Variants in SYT9 observed in about 807,000 individuals in gnomAD.
SYT9 encodes synaptotagmin-9.
A neutral mutation model predicts 48.4 loss-of-function variants in SYT9; 22 were observed. The observed-to-expected ratio is 0.45, with a 90% CI of 0.32 to 0.65. The LOEUF (loss-of-function observed/expected upper bound fraction) is 0.65, where lower values mean the gene tolerates loss of function less well. Among genes scored for constraint, SYT9 ranks in the 30% least tolerant of loss-of-function variants. SYT9 has a pLI of 0.03. For missense variants in SYT9, 577 were observed against 622.0 expected, an observed-to-expected ratio of 0.93 and a Z score of 0.77; for synonymous variants, 265 against 245.0, an observed-to-expected ratio of 1.08 and a Z score of -0.76.
At chr11:7,339,239 G>T (rs1036444582) in intron 3 of SYT9, among the ~76,000 whole-genome samples, 1 of 151,994 alleles carries the variant, frequency 6.6e-6, no homozygotes, top group African/African-American at 2.4e-5. Context: ...TGAGGCTATA[G>T]GTCTCATTGC....
At chr11:7,432,860 G>A (rs1246185952) in intron 6 of SYT9, among the ~76,000 whole-genome samples, 1 of 151,728 alleles carries the variant, frequency 6.6e-6, no homozygotes, top group Admixed American at 6.6e-5. Context: ...ATTAATGCTG[G>A]AATGACCTAA....
intron 3 of SYT9, among the ~76,000 whole-genome samples, chr11:7,332,385 C>G (rs1439865852): frequency 1.3e-5 from 2 of 152,206 alleles, no homozygotes; most frequent in East Asian, 3.8e-4. Flanking sequence ...GAGCCATGAA[C>G]TGTTCGCAGC....
intron 6 of SYT9, chr11:7,453,860 C>T (rs550962985): frequency 8.4e-4 from 293 of 346,956 alleles, no homozygotes; most frequent in African/African-American, 6.2e-3. Context: ...GAGAGGAGGC[C>T]GAAAGGGAGT....
At chr11:7,457,708 A>C (rs1848172806) in intron 6 of SYT9, 1 of 152,232 alleles carries the variant, frequency 6.6e-6, no homozygotes, top group Non-Finnish European at 1.5e-5. Flanking sequence ...AGACAGTGGC[A>C]GTGAAGGTCC....
chr11:7,367,098 T>TTCC lies in SYT9; in HGVS notation c.1045-48944_1045-48943insTCC, dbSNP rs71056800. On this transcript the variant is annotated intron_variant, in intron 3 of 6. Transcript: ENST00000318881. Reference sequence around the variant, plus strand: ...TTTTTTTTTTTTTTTTTTTTTTTTTTCGAGACGGAGCCTCGCTCTGTCACC... The same window carrying TTCC: ...TTTTTTTTTTTTTTTTTTTTTTTTTTTCCCGAGACGGAGCCTCGCTCTGTCACC... Among the ~76,000 whole-genome samples the TTCC allele has an allele frequency of 3.8e-4, 43 of 112,992 alleles. 7 individuals are homozygous for TTCC. Among genetic ancestry groups the TTCC allele is most frequent in the South Asian group, 2.9e-3 (9 of 3,100 alleles). 74.1% of individuals were successfully genotyped at this position (112,992 alleles called of 152,430 possible).
intron 6 of SYT9, chr11:7,440,797 A>T (rs1436879019): frequency 6.6e-6 from 1 of 152,244 alleles, no homozygotes; most frequent in African/African-American, 2.4e-5. Context: ...GAGTGCAGAG[A>T]ATCTTACAAA....
At chr11:7,392,044 A>C (rs1343506832) in intron 3 of SYT9, among the ~76,000 whole-genome samples, 1 of 151,710 alleles carries the variant, frequency 6.6e-6, no homozygotes, top group Non-Finnish European at 1.5e-5. Context: ...ATTTCTGAAT[A>C]TTTTCTCTCA....
At chr11:7,313,217 G>A (rs573135497) in intron 2 of SYT9, among the ~76,000 whole-genome samples, 178 bp from the exon 3 acceptor site, 9 of 152,178 alleles carry the variant, frequency 5.9e-5, no homozygotes, top group South Asian at 4.2e-4. Context: ...CAAGCCTTAC[G>A]GAGCAGCTTA....
At chr11:7,448,194 G>A (rs12272534) in intron 6 of SYT9, among the ~76,000 whole-genome samples, 4,362 of 152,330 alleles carry the variant, frequency 0.029, 209 homozygotes, top group African/African-American at 0.096. Context: ...TGTTGAGACA[G>A]TCTAGTGACT....
intron 1 of SYT9, among the ~76,000 whole-genome samples, chr11:7,266,655 C>A (rs567277636): frequency 1.3e-5 from 2 of 152,172 alleles, no homozygotes; most frequent in South Asian, 2.1e-4. Flanking sequence ...ATCACATCTG[C>A]CTTCCCAGTG....
intron 1 of SYT9, among the ~76,000 whole-genome samples, chr11:7,241,580 A>C (rs1038653398): frequency 1.3e-5 from 2 of 152,198 alleles, no homozygotes; most frequent in Non-Finnish European, 2.9e-5. Flanking sequence ...AGTTGGAAGG[A>C]TTCAGACCAC....
At chr11:7,248,179 T>C (rs550151309), upstream of SYT9, among the ~76,000 whole-genome samples, 50 of 152,324 alleles carry the variant, frequency 3.3e-4, no homozygotes, top group African/African-American at 1.2e-3. Flanking sequence ...ATTGTTTGTT[T>C]TTTTCGTGTT....
At chr11:7,264,690 G>C (rs74051005) in intron 1 of SYT9, among the ~76,000 whole-genome samples, 3,412 of 152,130 alleles carry the variant, frequency 0.022, 134 homozygotes, top group African/African-American at 0.078. Context: ...ACATGACCAC[G>C]TCCAGGACAT....
intron 6 of SYT9, among the ~76,000 whole-genome samples, chr11:7,430,373 G>A (rs757189725): frequency 2.0e-5 from 3 of 152,080 alleles, no homozygotes; most frequent in Non-Finnish European, 2.9e-5. Context: ...TTAGGTATAT[G>A]GTACACTATG....
At chr11:7,438,083 T>C (rs543902532) in intron 6 of SYT9, 6 of 152,336 alleles carry the variant, frequency 3.9e-5, no homozygotes, top group South Asian at 4.1e-4. Context: ...CAGGAAATTG[T>C]TCCAGTGTAA....
chr11:7,459,727 C>G (rs889465730), intron 6 of SYT9, among the ~76,000 whole-genome samples: 2 of 152,134 alleles, frequency 1.3e-5, no homozygotes. Context: ...AATCCCATGA[C>G]TAGTGTCCTT....
intron 1 of SYT9, among the ~76,000 whole-genome samples, chr11:7,285,490 C>T (rs914806381): frequency 1.3e-5 from 2 of 152,178 alleles, no homozygotes; most frequent in Non-Finnish European, 2.9e-5. Flanking sequence ...ATTATGGGAA[C>T]TATGATTCAA....
rs142702379 is a variant in SYT9 at position 7,356,426 on chromosome 11, G to C, written c.1044+42485G>C. 7.3e-3 allele frequency among the ~76,000 whole-genome samples: 1,105 copies of C among 152,282 alleles called. 22 individuals carry two copies. The highest frequency in any genetic ancestry group is 0.039 in the Admixed American group (590 of 15,296). On this transcript the variant is annotated intron_variant, in intron 3 of 6. Coordinates refer to ENST00000318881, the MANE Select transcript of SYT9 (RefSeq NM_175733.4). ...GCTGTAGCCTTAGCAACCTGTGCCTGGCTTGGGGGCTTTGCCCCTTCTGCT... is the reference window on the plus strand; with the variant it reads ...GCTGTAGCCTTAGCAACCTGTGCCTCGCTTGGGGGCTTTGCCCCTTCTGCT...
At chr11:7,307,078 T>C (rs1028876481) in intron 2 of SYT9, among the ~76,000 whole-genome samples, 3 of 152,218 alleles carry the variant, frequency 2.0e-5, no homozygotes, top group Non-Finnish European at 4.4e-5. Flanking sequence ...AGGCCATTTG[T>C]CCCAGGTCTC....
Sources: gnomAD v4.1 joint callset for allele counts (sites outside exome capture counted in the v4.1 genomes callset) on GRCh38, gnomAD v4.1.1 for gene constraint, MANE v1.5 for transcripts, NCBI Gene and HGNC (gene_info 2026-07-23, HGNC 2026-07-21) for gene names.